Variants in EPHA6 observed in about 807,000 individuals in gnomAD.
EPHA6 encodes EPH receptor A6.
Under a neutral mutation model 112.0 loss-of-function variants are expected in EPHA6, and 50 were observed. The ratio of observed to expected loss-of-function variants is 0.45; its 90% CI spans 0.36 to 0.56. EPHA6 has a LOEUF of 0.56. Ranked by LOEUF, EPHA6 falls within the 20% of genes least tolerant of loss-of-function variation. The pLI is 0.00. For synonymous variants in EPHA6, 529 were observed against 490.7 expected (o/e 1.08, Z -1.03); for missense variants, 1,280 against 1,417.4 (o/e 0.90, Z 1.56).
intron 1 of EPHA6, among the ~76,000 whole-genome samples, chr3:96,848,576 G>A (rs1038165935): frequency 3.9e-5 from 6 of 152,024 alleles, no homozygotes; most frequent in Admixed American, 2.6e-4. Flanking sequence ...AGTGGGCTGA[G>A]ATCTCACCAC....
chr3:97,046,552 A>G (rs960872970), intron 3 of EPHA6, among the ~76,000 whole-genome samples: 5 of 152,200 alleles, frequency 3.3e-5, no homozygotes, highest in Admixed American at 3.3e-4. Flanking sequence ...TACAGATGGA[A>G]AACATTTAAG....
intron 3 of EPHA6, among the ~76,000 whole-genome samples, chr3:97,157,509 C>G (rs182234443): frequency 6.6e-6 from 1 of 151,650 alleles, no homozygotes; most frequent in Non-Finnish European, 1.5e-5. Flanking sequence ...TACCTTCTGT[C>G]GAGAGAGAGA....
intron 11 of EPHA6, among the ~76,000 whole-genome samples, chr3:97,552,445 T>G (rs1236894205): frequency 1.3e-5 from 2 of 152,176 alleles, no homozygotes; most frequent in Admixed American, 6.6e-5. Flanking sequence ...GGAGAAAACC[T>G]CTTGCTAAAT....
intron 6 of EPHA6, among the ~76,000 whole-genome samples, chr3:97,425,149 T>A (rs1350419246): frequency 6.6e-6 from 1 of 152,202 alleles, no homozygotes; most frequent in Non-Finnish European, 1.5e-5. Flanking sequence ...TGATGCAAGC[T>A]GTCCGTGGAT....
intron 5 of EPHA6, among the ~76,000 whole-genome samples, chr3:97,392,452 A>G (rs1023960167): frequency 6.6e-6 from 1 of 151,618 alleles, no homozygotes; most frequent in African/African-American, 2.4e-5. Context: ...ATATTTATAT[A>G]CATGGCATCA....
intron 5 of EPHA6, among the ~76,000 whole-genome samples, chr3:97,391,209 A>G (rs953709318): frequency 2.0e-5 from 3 of 151,960 alleles, no homozygotes; most frequent in Admixed American, 6.6e-5. Context: ...GACTGTGCTT[A>G]TATGGTGTCA....
At chr3:96,985,438 A>G (rs189593220) in intron 2 of EPHA6, among the ~76,000 whole-genome samples, 20 of 152,236 alleles carry the variant, frequency 1.3e-4, no homozygotes, top group Admixed American at 1.2e-3. Flanking sequence ...CTTGGTTCAC[A>G]GTTATATTTA....
At chr3:97,483,743 T>C (rs1279838865) in intron 9 of EPHA6, among the ~76,000 whole-genome samples, 191 bp from the exon 10 acceptor site, 1 of 152,202 alleles carries the variant, frequency 6.6e-6, no homozygotes, top group Non-Finnish European at 1.5e-5. Context: ...TCATTCTACA[T>C]TAACAGTGAG....
chr3:96,952,993 C>T (rs1286179058), intron 2 of EPHA6, among the ~76,000 whole-genome samples: 1 of 152,016 alleles, frequency 6.6e-6, no homozygotes, highest in Non-Finnish European at 1.5e-5. Flanking sequence ...CAAACCTGCA[C>T]AAGTACCCCT....
At chr3:96,993,131 T>G (rs2107868331) in intron 3 of EPHA6, among the ~76,000 whole-genome samples, 1 of 152,290 alleles carries the variant, frequency 6.6e-6, no homozygotes, top group South Asian at 2.1e-4. Flanking sequence ...CTGGAAGGCC[T>G]TAGAAAATAT....
chr3:96,831,310 T>C (rs1219080157), intron 1 of EPHA6, among the ~76,000 whole-genome samples: 3 of 152,096 alleles, frequency 2.0e-5, no homozygotes, highest in African/African-American at 7.2e-5. Flanking sequence ...TAATGAAAAC[T>C]TAAGTACCTA....
chr3:97,381,649 T>C (rs1175244941), intron 5 of EPHA6, among the ~76,000 whole-genome samples: 1 of 152,146 alleles, frequency 6.6e-6, no homozygotes, highest in Admixed American at 6.5e-5. Context: ...AAGCATTTTT[T>C]GATTTTCAGC....
chr3:97,206,465 T>C (rs2077714957), intron 3 of EPHA6, among the ~76,000 whole-genome samples: 3 of 152,096 alleles, frequency 2.0e-5, no homozygotes, highest in Admixed American at 2.0e-4. Context: ...TTATTTGAGT[T>C]CGTTTCCTCT....
intron 7 of EPHA6, among the ~76,000 whole-genome samples, chr3:97,454,142 A>C (rs1407240632): frequency 6.6e-6 from 1 of 151,834 alleles, no homozygotes; most frequent in South Asian, 2.1e-4. Context: ...TGATCACATT[A>C]CAAATGATCA....
intron 5 of EPHA6, among the ~76,000 whole-genome samples, chr3:97,259,587 A>T (rs1336342720): frequency 1.3e-5 from 2 of 152,210 alleles, no homozygotes; most frequent in African/African-American, 4.8e-5. Flanking sequence ...AGCCTCGAAC[A>T]GTATGACATA....
rs1418880535 is a variant in EPHA6, at chr3:97,088,141, A to G, written c.1114+100148A>G. ...GGTTGCAGTGAGCCGAGATCGTGCC[A>G]CTACACTCCAGCCTGGTGACAGAGC... On this transcript the variant is annotated intron_variant, in intron 3 of 17. Coordinates refer to ENST00000389672, the MANE Select transcript of EPHA6 (RefSeq NM_001080448.3). Among the ~76,000 whole-genome samples the G allele has an allele frequency of 2.0e-5, 3 of 152,098 alleles. No individual in the cohort carries two copies. In the East Asian group the frequency reaches 5.8e-4, roughly 29 times the overall value.
chr3:97,149,120 G>A (rs1169991474), intron 3 of EPHA6, among the ~76,000 whole-genome samples: 1 of 152,112 alleles, frequency 6.6e-6, no homozygotes. Flanking sequence ...GAATTTAGAA[G>A]ATGACAGGTT....
chr3:97,555,073 C>T (rs570495049), intron 11 of EPHA6, among the ~76,000 whole-genome samples: 18 of 151,894 alleles, frequency 1.2e-4, no homozygotes, highest in Middle Eastern at 3.4e-3. Context: ...AATGGAATCC[C>T]TCCCCCTTCC....
intron 12 of EPHA6, among the ~76,000 whole-genome samples, chr3:97,598,955 A>G (rs1055703936): frequency 2.0e-5 from 3 of 151,264 alleles, no homozygotes; most frequent in African/African-American, 7.3e-5. Flanking sequence ...AATGATTGCC[A>G]TTCTAACTGG....
Sources: gnomAD v4.1 joint callset for allele counts (sites outside exome capture counted in the v4.1 genomes callset) on GRCh38, gnomAD v4.1.1 for gene constraint, MANE v1.5 for transcripts, NCBI Gene and HGNC (gene_info 2026-07-23, HGNC 2026-07-21) for gene names.